CSKMT: variants seen among roughly 807,000 people sequenced by gnomAD.
CSKMT encodes citrate synthase lysine methyltransferase.
Under a neutral mutation model 4.6 loss-of-function variants are expected in CSKMT, and 6 were observed. That is an observed-to-expected ratio of 1.31 (90% CI 0.72 to 2.59). CSKMT has a LOEUF of 2.59. CSKMT is among the 30% of genes most tolerant of loss of function. CSKMT has a pLI of 0.00. For missense variants in CSKMT, 328 were observed against 298.0 expected (o/e 1.10, Z -0.74); for synonymous variants, 142 against 128.9 (o/e 1.10, Z -0.69).
chr11:62,667,372 C>G lies in CSKMT; in HGVS notation c.*321C>G. 2.6e-6 allele frequency: 2 copies of G among 783,632 alleles called. No individual in the cohort carries two copies. Among genetic ancestry groups the G allele is most frequent in the Non-Finnish European group, 4.1e-6 (2 of 482,202 alleles). The allele number at this position is 783,632 out of a possible 1,614,324, so 48.5% of individuals were successfully genotyped here. A position where few individuals can be genotyped will look rare whatever the true frequency, so the allele number is the denominator to read the frequency against. On this transcript the variant is annotated 3_prime_UTR_variant, in exon 3 of 3. Coordinates refer to ENST00000532971, the MANE Select transcript of CSKMT (RefSeq NM_001043229.2). ...TAAAAGCAGCAGACAGGAACTGAAT[C>G]AAAACCCCTGCGCTGACTGACTTGT... is the stretch of plus-strand genomic sequence containing the variant.
rs1402401267 is a variant in CSKMT, at chr11:62,667,485, C to T, written c.*434C>T. On this transcript the variant is annotated 3_prime_UTR_variant, in exon 3 of 3. Transcript: ENST00000532971. ...GATGGGTATAAGGAGCTTCATAAAC[C>T]TGGATGAGATATTTGAGGGGGAGGG... 6.3e-7 allele frequency: 1 copy of T among 1,599,564 alleles called. No individual in the cohort carries two copies. Among genetic ancestry groups the T allele is most frequent in the Admixed American group, 1.7e-5 (1 of 59,932 alleles).
Position 62,666,904 on chromosome 11 carries a change from G to T in CSKMT, c.576G>T (p.Gly192=). The change falls in exon 3 of 3, where the codon GGG becomes GGT. Residue 192 remains glycine, a synonymous_variant. Transcript: ENST00000532971. ...GCTTGAGGGTTCTAAACCCTCAGGG[G>T]ACCCTGATTCAGTTCTCAGATGAGG... ...SECLRVLNPQ[G]TLIQFSDEDP... 1 of 1,613,836 alleles carries T rather than the reference G, an allele frequency of 6.2e-7. No homozygotes were observed. The highest frequency in any genetic ancestry group is 1.1e-5 in the South Asian group (1 of 90,952).
rs1299900659 is a variant in CSKMT, at chr11:62,667,228, GAAT to G, written c.*180_*182del. On this transcript the variant is annotated 3_prime_UTR_variant, in exon 3 of 3. Coordinates refer to ENST00000532971, the MANE Select transcript of CSKMT (RefSeq NM_001043229.2). ...CCCAGTTTACTCATCTGCAGAGTGA[GAAT>G]AACTTGGAGTTACGGAGATTACATA... 2 of 677,324 alleles carry G rather than the reference GAAT, an allele frequency of 3.0e-6. No homozygotes were observed. Among genetic ancestry groups the G allele is most frequent in the Non-Finnish European group, 4.9e-6 (2 of 404,470 alleles). The allele number at this position is 677,324 out of a possible 1,614,324, so 42.0% of individuals were successfully genotyped here.
Position 62,667,089 on chromosome 11 carries a change from G to T in CSKMT, c.*38G>T. ...AGTCCTGACCCTAGTATTTCTGTGG[G>T]CAAGGAGAGGGCTGAAGAACTGTCT... On this transcript the variant is annotated 3_prime_UTR_variant, in exon 3 of 3. Coordinates refer to ENST00000532971, the MANE Select transcript of CSKMT (RefSeq NM_001043229.2). 6.6e-7 allele frequency: 1 copy of T among 1,525,266 alleles called. No individual in the cohort carries two copies. The highest frequency in any genetic ancestry group is 8.8e-7 in the Non-Finnish European group (1 of 1,135,770). The allele number at this position is 1,525,266 out of a possible 1,614,324, so 94.5% of individuals were successfully genotyped here. A position where few individuals can be genotyped will look rare whatever the true frequency, so the allele number is the denominator to read the frequency against.
chr11:62,665,979 G>GGTGGGGGCAGA, intron 2 of CSKMT, 33 bp downstream of exon 2: 1 of 1,594,736 alleles, frequency 6.3e-7, no homozygotes. Flanking sequence ...GAGAGGGCAA[G>GGTGGGGGCAGA]GTGGGGGCAG....
At position 62,665,323 on chromosome 11, in the gene CSKMT, TG is replaced by T; in HGVS notation, c.-241del. 1.4e-6 allele frequency: 1 copy of T among 729,354 alleles called. No homozygotes were observed. 45.2% of individuals were successfully genotyped at this position (729,354 alleles called of 1,614,324 possible). A position where few individuals can be genotyped will look rare whatever the true frequency, so the allele number is the denominator to read the frequency against. On this transcript the variant is annotated 5_prime_UTR_variant, in exon 1 of 3. Transcript: ENST00000532971. Reference sequence around the variant, plus strand: ...GCGGTGCGGGAGGCCTTTCGGAGGGTGGTGAGCTAGTAAGTGTGGTTTTAGC... The same window carrying T: ...GCGGTGCGGGAGGCCTTTCGGAGGGTGTGAGCTAGTAAGTGTGGTTTTAGC...
Position 62,667,918 on chromosome 11 carries a change from A to C in CSKMT, c.*867A>C. On this transcript the variant is annotated 3_prime_UTR_variant, in exon 3 of 3. Transcript: ENST00000532971. ...GACACCCCTAACTCTACAAAAACAA[A>C]TGAGCCCGGGATAGTGGCACAGGCA... 2.8e-5 allele frequency: 16 copies of C among 572,878 alleles called. No homozygotes were observed. The highest frequency in any genetic ancestry group is 1.2e-4 in the East Asian group (4 of 34,384). 35.5% of individuals were successfully genotyped at this position (572,878 alleles called of 1,614,324 possible). A position where few individuals can be genotyped will look rare whatever the true frequency, so the allele number is the denominator to read the frequency against.
Position 62,666,669 on chromosome 11 carries a change from C to T in CSKMT, c.341C>T (p.Ala114Val). ...GTGGACTTTTCTCCTGTGGCTGTGG[C>T]CCACATGAATAGCCTCCTGGAGGGT... The part of the protein sequence containing the change: ...LGVDFSPVAV[A>V]HMNSLLEGGP... Residue 114 changes from alanine to valine, a missense_variant, in exon 3 of 3, where the codon GCC becomes GTC. By Grantham distance (64) the Ala-to-Val change is moderately conservative (BLOSUM62 0). Transcript: ENST00000532971. 1.2e-6 allele frequency: 2 copies of T among 1,614,096 alleles called. No individual in the cohort carries two copies. The highest frequency in any genetic ancestry group is 4.5e-5 in the East Asian group (2 of 44,880).
Position 62,665,662 on chromosome 11 carries a change from A to G in CSKMT, c.-218A>G, listed in dbSNP as rs1590847919. ...TTGATTTCAGGTCTGCGGACGCTGTATACCCTCCTCCACTTCCCGCTGCAG... is the reference window on the plus strand; with the variant it reads ...TTGATTTCAGGTCTGCGGACGCTGTGTACCCTCCTCCACTTCCCGCTGCAG... On this transcript the variant is annotated 5_prime_UTR_variant, in exon 2 of 3. Coordinates refer to ENST00000532971, the MANE Select transcript of CSKMT (RefSeq NM_001043229.2). 2 of 1,480,634 alleles carry G rather than the reference A, an allele frequency of 1.4e-6. No individual in the cohort carries two copies. The highest frequency in any genetic ancestry group is 2.3e-5 in the Admixed American group (1 of 44,102). The allele number at this position is 1,480,634 out of a possible 1,614,324, so 91.7% of individuals were successfully genotyped here.
At position 62,666,503 on chromosome 11, in the gene CSKMT, G is replaced by A. The variant is rs375107020; in HGVS notation, c.175G>A (p.Glu59Lys). The part of the protein sequence containing the change: ...PTFDWFFGYD[E>K]VQGLLLPLLQ... ...CTTCGACTGGTTCTTTGGATACGAC[G>A]AAGTCCAGGGGCTCCTACTGCCATT... The change falls in exon 3 of 3, where the codon GAA becomes AAA. Residue 59 changes from glutamate (E) to lysine (K), a missense_variant. By Grantham distance (56) the Glu-to-Lys change is moderately conservative. Coordinates refer to ENST00000532971, the MANE Select transcript of CSKMT (RefSeq NM_001043229.2). The A allele has an allele frequency of 3.7e-5, 60 of 1,614,090 alleles. No individual in the cohort carries two copies. The highest frequency in any genetic ancestry group is 2.0e-4 in the African/African-American group (15 of 75,052).
intron 1 of CSKMT, 151 bp downstream of exon 1, chr11:62,665,483 G>A (rs947183057): frequency 5.7e-6 from 9 of 1,576,954 alleles, no homozygotes; most frequent in East Asian, 4.6e-5. Flanking sequence ...CGGAGGAAGA[G>A]GGAAAGGGCT....
In CSKMT at chr11:62,665,639, G is replaced by C. The variant is rs554404678; in HGVS notation, c.-233-8G>C. 1.7e-5 allele frequency: 26 copies of C among 1,519,316 alleles called. No homozygotes were observed. The East Asian group carries it at 5.4e-4, about 32-fold the overall frequency. 94.1% of individuals were successfully genotyped at this position (1,519,316 alleles called of 1,614,324 possible). A position where few individuals can be genotyped will look rare whatever the true frequency, so the allele number is the denominator to read the frequency against. On this transcript the variant is annotated splice_polypyrimidine_tract_variant and splice_region_variant and intron_variant, in intron 1 of 2. Coordinates refer to ENST00000532971, the MANE Select transcript of CSKMT (RefSeq NM_001043229.2). ...TCGGGGTGCTCACACTTTCTCATTT[G>C]ATTTCAGGTCTGCGGACGCTGTATA... is the stretch of plus-strand genomic sequence containing the variant.
chr11:62,667,247 A>T lies in CSKMT; in HGVS notation c.*196A>T. ...GAGTGAGAATAACTTGGAGTTACGG[A>T]GATTACATACAATGATGTGCGCAAT... On this transcript the variant is annotated 3_prime_UTR_variant, in exon 3 of 3. Transcript: ENST00000532971. The T allele has an allele frequency of 1.5e-6, 1 of 650,150 alleles. No individual in the cohort carries two copies. The highest frequency in any genetic ancestry group is 2.0e-5 in the South Asian group (1 of 50,372). The allele number at this position is 650,150 out of a possible 1,614,324, so 40.3% of individuals were successfully genotyped here. A position where few individuals can be genotyped will look rare whatever the true frequency, so the allele number is the denominator to read the frequency against.
In CSKMT at chr11:62,665,845, T is replaced by C. The variant is rs199880114; in HGVS notation, c.-35T>C. Reference sequence around the variant, plus strand: ...GCTGGAGTAGGGTGGACGCTTCACATAAGCTTCTCTGGTCGAACTTACCCG... The same window carrying C: ...GCTGGAGTAGGGTGGACGCTTCACACAAGCTTCTCTGGTCGAACTTACCCG... On this transcript the variant is annotated 5_prime_UTR_variant, in exon 2 of 3. Coordinates refer to ENST00000532971, the MANE Select transcript of CSKMT (RefSeq NM_001043229.2). The C allele has an allele frequency of 2.8e-5, 45 of 1,608,348 alleles. No individual in the cohort carries two copies. Among genetic ancestry groups the C allele is most frequent in the Non-Finnish European group, 3.7e-5 (44 of 1,175,932 alleles).
chr11:62,665,845 T>G lies in CSKMT; in HGVS notation c.-35T>G, dbSNP rs199880114. 1.3e-5 allele frequency: 21 copies of G among 1,608,230 alleles called. No individual in the cohort carries two copies. Among genetic ancestry groups the G allele is most frequent in the South Asian group, 1.1e-4 (10 of 90,826 alleles). ...GCTGGAGTAGGGTGGACGCTTCACA[T>G]AAGCTTCTCTGGTCGAACTTACCCG... On this transcript the variant is annotated 5_prime_UTR_variant, in exon 2 of 3. Coordinates refer to ENST00000532971, the MANE Select transcript of CSKMT (RefSeq NM_001043229.2).
Position 62,666,567 on chromosome 11 carries a change from T to C in CSKMT, c.239T>C (p.Leu80Pro). The part of the protein sequence containing the change: ...EAQAASPLRV[L>P]DVGCGTSSLC... Reference sequence around the variant, plus strand: ...CAGGCTGCCAGTCCTCTGCGAGTGCTGGATGTGGGCTGTGGGACTTCCAGC... The same window carrying C: ...CAGGCTGCCAGTCCTCTGCGAGTGCCGGATGTGGGCTGTGGGACTTCCAGC... Residue 80 changes from leucine (L) to proline (P), a missense_variant, in exon 3 of 3, where the codon CTG becomes CCG. Coordinates refer to ENST00000532971, the MANE Select transcript of CSKMT (RefSeq NM_001043229.2). 1 of 1,614,150 alleles carries C rather than the reference T, an allele frequency of 6.2e-7. No individual in the cohort carries two copies. Among genetic ancestry groups the C allele is most frequent in the Non-Finnish European group, 8.5e-7 (1 of 1,180,032 alleles).
In CSKMT at chr11:62,666,629, G is replaced by C. The variant is rs771555436; in HGVS notation, c.301G>C (p.Val101Leu). 1 of 1,614,214 alleles carries C rather than the reference G, an allele frequency of 6.2e-7. No individual in the cohort carries two copies. The highest frequency in any genetic ancestry group is 1.1e-5 in the South Asian group (1 of 91,086). Residue 101 changes from valine (V) to leucine (L), a missense_variant, in exon 3 of 3, where the codon GTG becomes CTG. Val to Leu is a conservative substitution (Grantham distance 32). Transcript: ENST00000532971. ...TGLYTKSPHP[V>L]DVLGVDFSPV... ...CCTCTACACCAAATCTCCACACCCA[G>C]TGGATGTGCTGGGGGTGGACTTTTC...
rs879037551 is a variant in CSKMT, at chr11:62,666,776, G to A, written c.448G>A (p.Ala150Thr). The change falls in exon 3 of 3, where the codon GCT becomes ACT. Residue 150 changes from alanine to threonine, a missense_variant. Transcript: ENST00000532971. ...FMHADAQNLG[A>T]VASSGSFQLL... is the part of the protein sequence containing the mutation. ...GCACGCCGATGCTCAGAACCTGGGG[G>A]CTGTGGCTTCTTCAGGCTCTTTCCA... 1 of 1,614,084 alleles carries A rather than the reference G, an allele frequency of 6.2e-7. No homozygotes were observed. The highest frequency in any genetic ancestry group is 1.7e-5 in the Admixed American group (1 of 60,006).
chr11:62,665,788 G>A lies in CSKMT; in HGVS notation c.-92G>A, dbSNP rs1381053975. The A allele has an allele frequency of 2.6e-6, 4 of 1,551,206 alleles. No homozygotes were observed. The highest frequency in any genetic ancestry group is 3.5e-6 in the Non-Finnish European group (4 of 1,146,002). On this transcript the variant is annotated 5_prime_UTR_variant, in exon 2 of 3. Transcript: ENST00000532971. ...CGCCGCCTTTCGCTACGCGGAATTT[G>A]CAGATCTTCCCCTGGACCTCAGGCC...
Sources: gnomAD v4.1 joint callset for allele counts on GRCh38, gnomAD v4.1.1 for gene constraint, MANE v1.5 for transcripts, NCBI Gene and HGNC (gene_info 2026-07-23, HGNC 2026-07-21) for gene names.